Variants in ANKEF1 observed in about 807,000 individuals in gnomAD.
ANKEF1 encodes the protein ankyrin repeat and EF-hand domain containing 1.
ANKEF1 carries 43 observed loss-of-function variants against 65.1 expected under a neutral mutation model. That is an observed-to-expected ratio of 0.66 (90% confidence interval 0.52 to 0.85). The LOEUF is 0.85. ANKEF1 is among the 40% of genes least tolerant of loss of function. ANKEF1 has a pLI of 0.00. For missense variants in ANKEF1, 934 were observed against 952.9 expected, an observed-to-expected ratio of 0.98 and a Z score of 0.26; for synonymous variants, 316 against 341.5, an observed-to-expected ratio of 0.93 and a Z score of 0.82.
Position 10,045,673 on chromosome 20 carries a change from T to C in ANKEF1, c.796T>C (p.Cys266Arg), listed in dbSNP as rs1568513004. The C allele has an allele frequency of 6.2e-7, 1 of 1,613,852 alleles. No individual in the cohort carries two copies. Among genetic ancestry groups the C allele is most frequent in the Non-Finnish European group, 8.5e-7 (1 of 1,179,804 alleles). The stretch of plus-strand genomic sequence containing the variant: ...TGCTGCCATGGGTGGTTTTGCAGAC[T>C]GCTGTAAATATATAGCTCAGCGAGG... ...HYAAMGGFAD[C>R]CKYIAQRGCD... The change falls in exon 6 of 11, where the codon TGC becomes CGC. Residue 266 changes from cysteine to arginine, a missense_variant. Transcript: ENST00000378392.
chr20:10,051,963 C>T, intron 8 of ANKEF1, 74 bp downstream of exon 8: 1 of 1,164,348 alleles, frequency 8.6e-7, no homozygotes, highest in South Asian at 1.5e-5. Context: ...CCTTCTGATT[C>T]TATTCTCGTA....
chr20:10,056,441 G>T lies in ANKEF1; in HGVS notation c.*781G>T, dbSNP rs1436443218. 6.7e-6 allele frequency: 1 copy of T among 148,322 alleles called. No individual in the cohort carries two copies. The highest frequency in any genetic ancestry group is 2.5e-5 in the African/African-American group (1 of 40,142). The allele number at this position is 148,322 out of a possible 1,614,324, so 9.2% of individuals were successfully genotyped here. On this transcript the variant is annotated 3_prime_UTR_variant, in exon 11 of 11. Transcript: ENST00000378392. ...GCTAGGTATCTAGCTAGCTAGAAAG[G>T]CAGATAGACAGATATATAGATGATA...
chr20:10,045,832 A>G, intron 6 of ANKEF1, 135 bp downstream of exon 6: 1 of 792,972 alleles, frequency 1.3e-6, no homozygotes, highest in Non-Finnish European at 2.0e-6. Flanking sequence ...ATGTAGAAAG[A>G]AAATTGAAAA....
intron 7 of ANKEF1, among the ~76,000 whole-genome samples, chr20:10,051,102 T>G (rs1053950305): frequency 6.6e-6 from 1 of 152,112 alleles, no homozygotes; most frequent in Non-Finnish European, 1.5e-5. Flanking sequence ...ACAAGATTAG[T>G]TGAAGATTAG....
intron 2 of ANKEF1, among the ~76,000 whole-genome samples, chr20:10,036,064 C>T (rs909525743): frequency 1.3e-5 from 2 of 152,152 alleles, no homozygotes; most frequent in African/African-American, 2.4e-5. Context: ...TGTGTGATTT[C>T]CTGCAGTGGG....
Position 10,051,345 on chromosome 20 carries a change from A to G in ANKEF1, c.1644-318A>G, listed in dbSNP as rs575220002. Among the ~76,000 whole-genome samples, 7 of 152,332 alleles carry G rather than the reference A, an allele frequency of 4.6e-5. 1 individual carries two copies. Among genetic ancestry groups the G allele is most frequent in the Admixed American group, 3.9e-4 (6 of 15,292 alleles). On this transcript the variant is annotated intron_variant, in intron 7 of 10. Transcript: ENST00000378392. ...TTAATGAAGTTTCATTTAAAAATGT[A>G]TTACATGCAGAGAAAGTCACAAAAT...
At chr20:10,051,946 C>G in intron 8 of ANKEF1, 57 bp downstream of exon 8, 1 of 1,317,192 alleles carries the variant, frequency 7.6e-7, no homozygotes, top group Admixed American at 2.1e-5. Context: ...ATGTTAGATT[C>G]TAAGCCCCTT....
chr20:10,057,156 G>C lies in ANKEF1; in HGVS notation c.*1496G>C, dbSNP rs1051804756. On this transcript the variant is annotated 3_prime_UTR_variant, in exon 11 of 11. Transcript: ENST00000378392. ...ATTACAGCTCTGTCAGTCACGTATG[G>C]ATTAAACCCCTTTCCTCTAACCTCC... The C allele has an allele frequency of 6.6e-6, 1 of 152,174 alleles. No homozygotes were observed. The highest frequency in any genetic ancestry group is 6.5e-5 in the Admixed American group (1 of 15,274). 9.4% of individuals were successfully genotyped at this position (152,174 alleles called of 1,614,324 possible). A position where few individuals can be genotyped will look rare whatever the true frequency, so the allele number is the denominator to read the frequency against.
At chr20:10,035,523 T>C (rs1600504097) in intron 1 of ANKEF1, 56 bp from the exon 2 acceptor site, 2 of 152,250 alleles carry the variant, frequency 1.3e-5, no homozygotes, top group Non-Finnish European at 2.9e-5. Context: ...GAGCCTATAT[T>C]GAAGGACTTT....
chr20:10,047,748 A>G (rs1984601736), intron 6 of ANKEF1, among the ~76,000 whole-genome samples: 1 of 152,242 alleles, frequency 6.6e-6, no homozygotes, highest in Non-Finnish European at 1.5e-5. Flanking sequence ...ACAGAGGAGC[A>G]TAAGTCTCAC....
rs1261369886 is a variant in ANKEF1, at chr20:10,043,307, A to C, written c.532A>C (p.Asn178His). 1 of 1,613,928 alleles carries C rather than the reference A, an allele frequency of 6.2e-7. No individual in the cohort carries two copies. Among genetic ancestry groups the C allele is most frequent in the Non-Finnish European group, 8.5e-7 (1 of 1,179,942 alleles). Reference protein sequence around the residue: ...LTFLEKGANPNAINSSTGRTA... With the variant: ...LTFLEKGANPHAINSSTGRTA... ...ATTTTTGGAAAAAGGAGCCAATCCT[A>C]ATGCAATCAACTCAGTATGGCTATT... Residue 178 changes from asparagine (N) to histidine (H), a missense_variant, in exon 4 of 11, where the codon AAT (asparagine) becomes CAT (histidine). Asn to His is a moderately conservative substitution (Grantham distance 68, BLOSUM62 1). Transcript: ENST00000378392.
chr20:10,038,394 G>T lies in ANKEF1; in HGVS notation c.93G>T (p.Leu31=). 6.2e-7 allele frequency: 1 copy of T among 1,613,884 alleles called. No homozygotes were observed. The highest frequency in any genetic ancestry group is 8.5e-7 in the Non-Finnish European group (1 of 1,179,800). The part of the protein sequence containing the change: ...RNKDKKQIEK[L]TKLGYPELIN... ...AAGACAAGAAGCAGATAGAGAAGCT[G>T]ACCAAGCTTGGATACCCTGAACTAA... is the stretch of plus-strand genomic sequence containing the variant. Residue 31 remains leucine, a synonymous_variant, in exon 3 of 11, where the codon CTG becomes CTT. Transcript: ENST00000378392.
In ANKEF1 at chr20:10,049,444, A is replaced by T; in HGVS notation, c.875A>T (p.Lys292Met). The change falls in exon 7 of 11, where the codon AAG becomes ATG. Residue 292 changes from lysine to methionine, a missense_variant. Transcript: ENST00000378392. Reference sequence around the variant, plus strand: ...CATAAAACGCCCAGGGCTGTGGCTAAGGAAGGCGGCTTCAAAGCAGCAAGC... The same window carrying T: ...CATAAAACGCCCAGGGCTGTGGCTATGGAAGGCGGCTTCAAAGCAGCAAGC... ...LDHKTPRAVA[K>M]EGGFKAASKE... is the part of the protein sequence containing the mutation. 6.2e-7 allele frequency: 1 copy of T among 1,614,172 alleles called. No individual in the cohort carries two copies. Among genetic ancestry groups the T allele is most frequent in the Non-Finnish European group, 8.5e-7 (1 of 1,180,004 alleles).
intron 3 of ANKEF1, among the ~76,000 whole-genome samples, chr20:10,041,009 A>G (rs1984154758): frequency 6.6e-6 from 1 of 151,324 alleles, no homozygotes; most frequent in African/African-American, 2.4e-5. Flanking sequence ...ACATCAGTTT[A>G]TATAAAATAT....
chr20:10,043,369 A>G (rs1297991364), intron 4 of ANKEF1, 48 bp downstream of exon 4: 2 of 1,537,026 alleles, frequency 1.3e-6, no homozygotes, highest in South Asian at 1.1e-5. Flanking sequence ...CAATTACAGC[A>G]TAGTATAATC....
rs1555773046 is a variant in ANKEF1, at chr20:10,052,320, G to GAC, written c.1870+434_1870+435dup. Among the ~76,000 whole-genome samples the GAC allele has an allele frequency of 1.2e-4, 10 of 84,222 alleles. No homozygotes were observed. The South Asian group carries it at 3.4e-3, about 28-fold the overall frequency. The allele number at this position is 84,222 out of a possible 152,430, so 55.3% of individuals were successfully genotyped here. On this transcript the variant is annotated intron_variant, in intron 8 of 10. Coordinates refer to ENST00000378392, the MANE Select transcript of ANKEF1 (RefSeq NM_022096.6). ...TGTGGACTTGCACCAGTTTGCAGAT[G>GAC]ACACTGAGTTATTACACTGTTATGA... is the stretch of plus-strand genomic sequence containing the variant.
rs1983993351 is a variant in ANKEF1, at chr20:10,038,509, C to G, written c.208C>G (p.Leu70Val). Residue 70 changes from leucine (L) to valine (V), a missense_variant, in exon 3 of 11, where the codon CTT becomes GTT. Transcript: ENST00000378392. The part of the protein sequence containing the change: ...DIDMVSFLLD[L>V]GAHPDVQDRM... ...TGATATGGTCAGCTTTCTCCTTGAC[C>G]TTGGTGCTCACCCTGATGTGCAAGA... is the stretch of plus-strand genomic sequence containing the variant. 1 of 1,614,228 alleles carries G rather than the reference C, an allele frequency of 6.2e-7. No homozygotes were observed. Among genetic ancestry groups the G allele is most frequent in the Admixed American group, 1.7e-5 (1 of 60,032 alleles).
chr20:10,051,934 T>C, intron 8 of ANKEF1, 45 bp downstream of exon 8: 1 of 1,410,590 alleles, frequency 7.1e-7, no homozygotes, highest in Non-Finnish European at 9.7e-7. Context: ...AAAGGAGAAC[T>C]TATGTTAGAT....
Position 10,049,647 on chromosome 20 carries a change from G to C in ANKEF1, c.1078G>C (p.Val360Leu). 1 of 1,614,144 alleles carries C rather than the reference G, an allele frequency of 6.2e-7. No homozygotes were observed. The highest frequency in any genetic ancestry group is 1.3e-5 in the African/African-American group (1 of 75,036). Residue 360 changes from valine (V) to leucine (L), a missense_variant, in exon 7 of 11, where the codon GTG (valine) becomes CTG (leucine). Transcript: ENST00000378392. The part of the protein sequence containing the change: ...GDGSISKNDF[V>L]MVLEERQDYA... ...TGGAAGCATCAGCAAGAACGACTTCGTGATGGTGTTGGAGGAAAGGCAGGA... is the reference window on the plus strand; with the variant it reads ...TGGAAGCATCAGCAAGAACGACTTCCTGATGGTGTTGGAGGAAAGGCAGGA...
Sources: gnomAD v4.1 joint callset for allele counts (sites outside exome capture counted in the v4.1 genomes callset) on GRCh38, gnomAD v4.1.1 for gene constraint, MANE v1.5 for transcripts, NCBI Gene and HGNC (gene_info 2026-07-23, HGNC 2026-07-21) for gene names.